The following CDH18 variants were observed in gnomAD, a reference collection of about 807,000 sequenced individuals.
CDH18 encodes cadherin-18.
In CDH18, 31 loss-of-function variants were observed where a neutral mutation model predicts 67.9. That is an observed-to-expected ratio of 0.46 (90% CI 0.34 to 0.62). CDH18 has a LOEUF of 0.62. CDH18 is among the 20% of genes least tolerant of loss of function. CDH18 has a pLI of 0.01. For synonymous variants in CDH18, 362 were observed against 347.2 expected, an observed-to-expected ratio of 1.04 and a Z score of -0.48; for missense variants, 890 against 975.5, an observed-to-expected ratio of 0.91 and a Z score of 1.17.
Position 19,586,182 on chromosome 5 carries a change from CATTTT to C in CDH18, c.999+4870_999+4874del, listed in dbSNP as rs535504064. ...GCTACTATTTTTTTCTTCTTAAAGG[CATTTT>C]ATTTTATTTTTTTATTTTCAACTTT... is the stretch of plus-strand genomic sequence containing the variant. On this transcript the variant is annotated intron_variant, in intron 7 of 12. Transcript: ENST00000382275. Among the ~76,000 whole-genome samples the C allele has an allele frequency of 1.2e-3, 183 of 152,114 alleles. 6 individuals carry two copies. In the South Asian group the frequency reaches 0.034, roughly 28 times the overall value.
Position 19,694,671 on chromosome 5 carries a change from G to A in CDH18, c.643+26676C>T, listed in dbSNP as rs62351323. On this transcript the variant is annotated intron_variant, in intron 5 of 12. Transcript: ENST00000382275. The stretch of plus-strand genomic sequence containing the variant: ...ACTCTGTGTGTGTGTGTGTGTGTGT[G>A]TGTGTCTGTGTGTGTTTATTTTTTT... 8.6e-3 allele frequency among the ~76,000 whole-genome samples: 796 copies of A among 92,106 alleles called. 3 individuals carry two copies. Among genetic ancestry groups the A allele is most frequent in the Non-Finnish European group, 0.016 (641 of 39,602 alleles). 60.4% of individuals were successfully genotyped at this position (92,106 alleles called of 152,430 possible). A position where few individuals can be genotyped will look rare whatever the true frequency, so the allele number is the denominator to read the frequency against.
intron 1 of CDH18, among the ~76,000 whole-genome samples, chr5:20,282,701 G>A (rs188824233): frequency 0.014 from 2,064 of 152,096 alleles, 30 homozygotes; most frequent in South Asian, 0.029. Flanking sequence ...TCTCTGCCAG[G>A]CTTTGGTATC....
intron 2 of CDH18, among the ~76,000 whole-genome samples, chr5:20,130,351 ATGT>A (rs139065267): frequency 0.021 from 3,142 of 150,378 alleles, 51 homozygotes; most frequent in Middle Eastern, 0.046. Context: ...GGAAGAGTTG[ATGT>A]TGTTTCTCCA....
At chr5:20,371,965 G>A (rs76288408) in intron 1 of CDH18, among the ~76,000 whole-genome samples, 3,439 of 152,288 alleles carry the variant, frequency 0.023, 102 homozygotes, top group East Asian at 0.075. Context: ...GCCTTGCCAT[G>A]TCCCAGGCAT....
At chr5:19,710,772 A>T (rs1764607723) in intron 5 of CDH18, among the ~76,000 whole-genome samples, 1 of 152,144 alleles carries the variant, frequency 6.6e-6, no homozygotes, top group Non-Finnish European at 1.5e-5. Context: ...TTTGTAGTTA[A>T]AGTTAGATAA....
chr5:20,262,878 AT>A (rs1197239172), intron 1 of CDH18, among the ~76,000 whole-genome samples: 1 of 151,538 alleles, frequency 6.6e-6, no homozygotes, highest in Non-Finnish European at 1.5e-5. Context: ...ATTAAGACTC[AT>A]TATATTCTTC....
At chr5:19,476,687 T>C (rs1403345180) in intron 12 of CDH18, among the ~76,000 whole-genome samples, 1 of 152,106 alleles carries the variant, frequency 6.6e-6, no homozygotes, top group Non-Finnish European at 1.5e-5. Flanking sequence ...CCTAATTTAT[T>C]ATAATACAAT....
In CDH18 at chr5:20,367,750, G is replaced by T. The variant is rs1406563094; in HGVS notation, c.-579-112245C>A. On this transcript the variant is annotated intron_variant, in intron 1 of 14. Transcript: ENST00000507958. The stretch of plus-strand genomic sequence containing the variant: ...CTCATCTTACTAACTGGTAAGTGAA[G>T]TGACTACATAGGTAATCTGTATTCT... 3.3e-5 allele frequency among the ~76,000 whole-genome samples: 5 copies of T among 152,292 alleles called. No homozygotes were observed. In the East Asian group the frequency reaches 9.7e-4, roughly 29 times the overall value.
At chr5:20,501,083 C>T (rs910917203) in intron 1 of CDH18, among the ~76,000 whole-genome samples, 1 of 152,098 alleles carries the variant, frequency 6.6e-6, no homozygotes, top group Non-Finnish European at 1.5e-5. Context: ...GTGAGCATGA[C>T]ATCACACAGC....
At chr5:19,940,366 C>T (rs991770814) in intron 2 of CDH18, among the ~76,000 whole-genome samples, 2 of 151,820 alleles carry the variant, frequency 1.3e-5, no homozygotes, top group South Asian at 2.1e-4. Flanking sequence ...CTTCTCTGTC[C>T]TAACTCATTG....
intron 2 of CDH18, among the ~76,000 whole-genome samples, chr5:20,169,273 C>T (rs1367675051): frequency 6.6e-6 from 1 of 151,550 alleles, no homozygotes; most frequent in East Asian, 1.9e-4. Context: ...TATTATGTAC[C>T]CACCAATATT....
chr5:20,229,350 T>C (rs1313298966), intron 2 of CDH18, among the ~76,000 whole-genome samples: 1 of 152,070 alleles, frequency 6.6e-6, no homozygotes, highest in East Asian at 1.9e-4. Context: ...TAATGTTTTG[T>C]TCCATTGAAT....
In CDH18 at chr5:19,537,680, ATC is replaced by A. The variant is rs1209503281; in HGVS notation, c.1390+6187_1390+6188del. 3.3e-5 allele frequency among the ~76,000 whole-genome samples: 5 copies of A among 151,958 alleles called. No homozygotes were observed. In the East Asian group the frequency reaches 9.7e-4, roughly 29 times the overall value. ...CTACCAGTTTTGTAGCCCCTAAAAA[ATC>A]TCTCTTATCCCTAAAAAATCCTCTT... On this transcript the variant is annotated intron_variant, in intron 9 of 12. Transcript: ENST00000382275.
intron 11 of CDH18, among the ~76,000 whole-genome samples, chr5:19,495,136 C>T (rs1037871760): frequency 1.3e-5 from 2 of 152,094 alleles, no homozygotes; most frequent in African/African-American, 4.8e-5. Context: ...GGTGACTAAT[C>T]CTCAGAGATT....
At chr5:19,947,810 C>T (rs1215496723) in intron 2 of CDH18, among the ~76,000 whole-genome samples, 1 of 151,828 alleles carries the variant, frequency 6.6e-6, no homozygotes, top group Non-Finnish European at 1.5e-5. Flanking sequence ...TTTCAACAGA[C>T]TCTGTTAGCA....
intron 1 of CDH18, among the ~76,000 whole-genome samples, chr5:20,457,528 C>A (rs543049980): frequency 5.3e-5 from 8 of 152,178 alleles, no homozygotes; most frequent in Non-Finnish European, 1.2e-4. Flanking sequence ...TACCTGAACC[C>A]AGTGTGGCTA....
At chr5:20,166,530 C>G (rs1333123683) in intron 2 of CDH18, among the ~76,000 whole-genome samples, 1 of 151,690 alleles carries the variant, frequency 6.6e-6, no homozygotes, top group African/African-American at 2.4e-5. Context: ...TCCATTGCCA[C>G]CTACAGAACT....
intron 2 of CDH18, among the ~76,000 whole-genome samples, chr5:20,088,998 C>CA (rs1304942751): frequency 4.0e-5 from 6 of 151,440 alleles, no homozygotes; most frequent in Non-Finnish European, 5.9e-5. Flanking sequence ...ACAGTATTTC[C>CA]AAAAAACGGT....
At chr5:19,515,129 C>G (rs923131262) in intron 10 of CDH18, among the ~76,000 whole-genome samples, 1 of 152,092 alleles carries the variant, frequency 6.6e-6, no homozygotes, top group Non-Finnish European at 1.5e-5. Flanking sequence ...ATTGTTTTGT[C>G]AAGTTTGTCA....
Sources: allele counts gnomAD v4.1 joint callset (sites outside exome capture counted in the v4.1 genomes callset), GRCh38; gene constraint gnomAD v4.1.1; transcripts MANE v1.5; gene names NCBI Gene and HGNC (gene_info 2026-07-23, HGNC 2026-07-21).